The following TFG variants were observed in gnomAD, a reference collection of about 807,000 sequenced individuals.
The protein encoded by TFG is protein TFG.
Under a neutral mutation model 51.4 loss-of-function variants are expected in TFG, and 22 were observed. That is an observed-to-expected ratio of 0.43 (90% CI 0.31 to 0.61). TFG has a LOEUF of 0.61. Ranked by LOEUF, TFG falls within the 20% of genes least tolerant of loss-of-function variation. TFG has a pLI of 0.12. For synonymous variants in TFG, 187 were observed against 165.6 expected, an observed-to-expected ratio of 1.13 and a Z score of -0.99; for missense variants, 419 against 487.7, an observed-to-expected ratio of 0.86 and a Z score of 1.33.
Position 100,730,662 on chromosome 3 carries a change from CAAG to C in TFG, c.415+1807_415+1809del, listed in dbSNP as rs575607488. On this transcript the variant is annotated intron_variant, in intron 4 of 7. Coordinates refer to ENST00000240851, the MANE Select transcript of TFG (RefSeq NM_006070.6). Reference sequence around the variant, plus strand: ...TTTAGAACCTGTGGCTTACCCTCACCAAGAAATGTGGCCACCTGTGGTCTTCAG... The same window carrying C: ...TTTAGAACCTGTGGCTTACCCTCACCAAATGTGGCCACCTGTGGTCTTCAG... Among the ~76,000 whole-genome samples, 1,009 of 152,252 alleles carry C rather than the reference CAAG, an allele frequency of 6.6e-3. 9 individuals are homozygous for C. The highest frequency in any genetic ancestry group is 0.022 in the African/African-American group (914 of 41,552).
At chr3:100,725,038 G>A (rs1478060887) in intron 3 of TFG, among the ~76,000 whole-genome samples, 1 of 152,130 alleles carries the variant, frequency 6.6e-6, no homozygotes, top group East Asian at 1.9e-4. Flanking sequence ...CGAGTAGCTG[G>A]GACTACAGGC....
chr3:100,748,445 C>A lies in TFG; in HGVS notation c.1117C>A (p.Pro373Thr). The change falls in exon 8 of 8, where the codon CCT (proline) becomes ACT (threonine). Residue 373 changes from proline (P) to threonine (T), a missense_variant. This residue lies in a region of TFG where 391 missense variants were observed against 434.4 expected (regional missense o/e 0.90). Coordinates refer to ENST00000240851, the MANE Select transcript of TFG (RefSeq NM_006070.6). ...FTSLPGSTMT[P>T]PPSGPNPYAR... The stretch of plus-strand genomic sequence containing the variant: ...TTCACTTCCTGGAAGTACCATGACC[C>A]CTCCTCCAAGTGGGCCTAATCCTTA... 6.2e-7 allele frequency: 1 copy of A among 1,614,104 alleles called. No individual in the cohort carries two copies. Among genetic ancestry groups the A allele is most frequent in the South Asian group, 1.1e-5 (1 of 91,078 alleles).
intron 2 of TFG, among the ~76,000 whole-genome samples, chr3:100,714,464 C>A (rs1250755095): frequency 1.3e-5 from 2 of 151,486 alleles, no homozygotes; most frequent in African/African-American, 4.9e-5. Context: ...CGTGCCACTG[C>A]ACTCCAGCCT....
At chr3:100,711,602 A>G (rs982244938) in intron 1 of TFG, among the ~76,000 whole-genome samples, 1 of 152,160 alleles carries the variant, frequency 6.6e-6, no homozygotes, top group African/African-American at 2.4e-5. Context: ...TTCTCCCATA[A>G]TTAAAAAATT....
At chr3:100,727,998 A>G (rs986917479) in intron 3 of TFG, among the ~76,000 whole-genome samples, 2 of 152,076 alleles carry the variant, frequency 1.3e-5, no homozygotes, top group African/African-American at 2.4e-5. Flanking sequence ...ACACTTGGCT[A>G]ATTTTTTAAG....
intron 7 of TFG, among the ~76,000 whole-genome samples, chr3:100,746,840 G>A (rs1228202330): frequency 6.6e-6 from 1 of 152,126 alleles, no homozygotes; most frequent in African/African-American, 2.4e-5. Flanking sequence ...GGCATTTTCA[G>A]TATAAAGCTG....
At position 100,748,429 on chromosome 3, in the gene TFG, TG is replaced by T; in HGVS notation, c.1103del (p.Gly368GlufsTer4). The T allele has an allele frequency of 6.2e-7, 1 of 1,614,140 alleles. No individual in the cohort carries two copies. Among genetic ancestry groups the T allele is most frequent in the Non-Finnish European group, 8.5e-7 (1 of 1,180,000 alleles). Reference protein sequence around the residue: ...QPRPGFTSLPGSTMTPPPSGP... With the variant: ...QPRPGFTSLPXSTMTPPPSGP... The stretch of plus-strand genomic sequence containing the variant: ...CAAGACCAGGTTTTACTTCACTTCC[TG>T]GAAGTACCATGACCCCTCCTCCAAG... On this transcript the variant is annotated frameshift_variant, in exon 8 of 8. Transcript: ENST00000240851. LOFTEE classifies it high-confidence loss of function.
chr3:100,742,614 A>G (rs2095124259), intron 6 of TFG: 1 of 152,154 alleles, frequency 6.6e-6, no homozygotes, highest in Non-Finnish European at 1.5e-5. Flanking sequence ...GTAACCTAAC[A>G]TACACATCTT....
intron 4 of TFG, 54 bp from the exon 5 acceptor site, chr3:100,732,454 A>T: frequency 7.3e-7 from 1 of 1,375,662 alleles, no homozygotes; most frequent in Non-Finnish European, 1.0e-6. Context: ...TTTAGGCCTT[A>T]CTGAATATAG....
intron 1 of TFG, among the ~76,000 whole-genome samples, chr3:100,711,891 A>G (rs1015128207): frequency 2.0e-5 from 3 of 152,230 alleles, no homozygotes; most frequent in Admixed American, 6.5e-5. Flanking sequence ...GTTCCTGAAT[A>G]CCGAAAGCAT....
At chr3:100,727,905 G>A (rs1416505208) in intron 3 of TFG, among the ~76,000 whole-genome samples, 2 of 152,182 alleles carry the variant, frequency 1.3e-5, no homozygotes, top group African/African-American at 2.4e-5. Context: ...AGTGATCTCA[G>A]CCAACTGGAC....
chr3:100,745,461 A>T (rs2095132357), intron 7 of TFG, among the ~76,000 whole-genome samples: 1 of 152,220 alleles, frequency 6.6e-6, no homozygotes. Flanking sequence ...AATTCAGGCA[A>T]CTAAGAACAT....
intron 3 of TFG, among the ~76,000 whole-genome samples, chr3:100,720,650 C>T (rs1461506462): frequency 2.6e-5 from 4 of 152,300 alleles, no homozygotes; most frequent in Non-Finnish European, 4.4e-5. Context: ...CTGCCCAGCC[C>T]GGTTTGGTTC....
At chr3:100,732,828 T>G (rs1180719518) in intron 5 of TFG, among the ~76,000 whole-genome samples, 156 bp downstream of exon 5, 1 of 152,218 alleles carries the variant, frequency 6.6e-6, no homozygotes, top group African/African-American at 2.4e-5. Flanking sequence ...TGTACACTTA[T>G]GTAAAAGACT....
intron 3 of TFG, among the ~76,000 whole-genome samples, chr3:100,722,437 G>A (rs894966213): frequency 6.6e-6 from 1 of 152,160 alleles, no homozygotes; most frequent in Non-Finnish European, 1.5e-5. Flanking sequence ...TTTCAAGAAG[G>A]AGAGAATGGG....
intron 5 of TFG, among the ~76,000 whole-genome samples, chr3:100,735,021 C>G (rs1012544210): frequency 6.6e-6 from 1 of 152,012 alleles, no homozygotes; most frequent in Non-Finnish European, 1.5e-5. Context: ...TGAATATTAA[C>G]TGTAATAAAT....
chr3:100,748,350 T>C lies in TFG; in HGVS notation c.1022T>C (p.Val341Ala). 6.2e-7 allele frequency: 1 copy of C among 1,614,116 alleles called. No individual in the cohort carries two copies. Among genetic ancestry groups the C allele is most frequent in the Non-Finnish European group, 8.5e-7 (1 of 1,179,998 alleles). The change falls in exon 8 of 8, where the codon GTG becomes GCG. Residue 341 changes from valine (V) to alanine (A), a missense_variant. This residue lies in a region of TFG where 391 missense variants were observed against 434.4 expected (regional missense o/e 0.90). Coordinates refer to ENST00000240851, the MANE Select transcript of TFG (RefSeq NM_006070.6). ...ACTTCTCAGCCTACTAATTATACTG[T>C]GGCTCCTGCCTCTCAACCTGGAATG... ...AQTSQPTNYT[V>A]APASQPGMAP...
intron 4 of TFG, among the ~76,000 whole-genome samples, chr3:100,729,336 A>G (rs952256741): frequency 6.6e-6 from 1 of 152,248 alleles, no homozygotes; most frequent in Non-Finnish European, 1.5e-5. Context: ...GGTATGTTGT[A>G]AATTTGAAAC....
intron 2 of TFG, among the ~76,000 whole-genome samples, chr3:100,714,517 T>C (rs993518477): frequency 1.3e-5 from 2 of 152,004 alleles, no homozygotes; most frequent in Non-Finnish European, 2.9e-5. Flanking sequence ...AAAAAATAGC[T>C]AATTGGTTTA....
Sources: gnomAD v4.1 joint callset for allele counts (sites outside exome capture counted in the v4.1 genomes callset) on GRCh38, gnomAD v4.1.1 for gene constraint, gnomAD v4.1.1 regional missense constraint, MANE v1.5 for transcripts, NCBI Gene and HGNC (gene_info 2026-07-23, HGNC 2026-07-21) for gene names.